APBA2: variants seen among roughly 807,000 people sequenced by gnomAD.
APBA2 encodes the protein amyloid beta precursor protein binding family A member 2.
Under a neutral mutation model 75.0 loss-of-function variants are expected in APBA2, and 30 were observed. That is an observed-to-expected ratio of 0.40 (90% CI 0.30 to 0.54). The LOEUF is 0.54. Ranked by LOEUF, APBA2 falls within the 20% of genes least tolerant of loss-of-function variation. The pLI is 0.49. For missense variants in APBA2, 801 were observed against 1,016.1 expected (o/e 0.79, Z 2.88); for synonymous variants, 444 against 409.6 (o/e 1.08, Z -1.01).
chr15:29,037,202 A>G (rs976235756), intron 3 of APBA2, among the ~76,000 whole-genome samples: 11 of 152,160 alleles, frequency 7.2e-5, no homozygotes, highest in Non-Finnish European at 1.5e-5. Flanking sequence ...CCTGTAATTT[A>G]TCCAGTGGAG....
At chr15:29,000,615 G>A (rs1039015755) in intron 3 of APBA2, among the ~76,000 whole-genome samples, 2 of 152,110 alleles carry the variant, frequency 1.3e-5, no homozygotes, top group African/African-American at 4.8e-5. Context: ...TTTAGAGACA[G>A]GGTCTTGCTC....
At chr15:28,949,511 C>T (rs1225908188) in intron 2 of APBA2, among the ~76,000 whole-genome samples, 1 of 152,202 alleles carries the variant, frequency 6.6e-6, no homozygotes, top group African/African-American at 2.4e-5. Context: ...CTCTGTCACC[C>T]AGGCTGGAGT....
chr15:28,926,394 A>G, intron 2 of APBA2, among the ~76,000 whole-genome samples: 1 of 152,214 alleles, frequency 6.6e-6, no homozygotes. Context: ...CCTTCAAATA[A>G]CACTATACCT....
chr15:29,011,353 C>G (rs548533160), intron 3 of APBA2, among the ~76,000 whole-genome samples: 2 of 152,238 alleles, frequency 1.3e-5, no homozygotes, highest in African/African-American at 2.4e-5. Context: ...TTAATTAGTT[C>G]AAAATCTGTT....
intron 2 of APBA2, among the ~76,000 whole-genome samples, chr15:28,943,880 C>CA (rs1207940029): frequency 6.6e-6 from 1 of 152,208 alleles, no homozygotes; most frequent in Non-Finnish European, 1.5e-5. Flanking sequence ...CCCACAGGCT[C>CA]TTATGGATCC....
At chr15:28,936,103 G>A (rs569799135) in intron 2 of APBA2, among the ~76,000 whole-genome samples, 50 of 152,238 alleles carry the variant, frequency 3.3e-4, no homozygotes, top group African/African-American at 1.0e-3. Flanking sequence ...GAAAATAGAC[G>A]CAGAGTTTGG....
chr15:28,886,391 C>G (rs1354014423), intron 1 of APBA2, 113 bp downstream of exon 1: 1 of 151,364 alleles, frequency 6.6e-6, no homozygotes, highest in Non-Finnish European at 1.5e-5. Context: ...GCGGCCCGAG[C>G]GCTCCAGAGC....
At chr15:28,940,285 G>C (rs985313692) in intron 2 of APBA2, among the ~76,000 whole-genome samples, 3 of 149,062 alleles carry the variant, frequency 2.0e-5, no homozygotes, top group African/African-American at 7.5e-5. Context: ...GGCCGAGGCA[G>C]GTGGATCATG....
chr15:28,913,786 A>G (rs1372498079), intron 1 of APBA2, among the ~76,000 whole-genome samples: 1 of 152,186 alleles, frequency 6.6e-6, no homozygotes, highest in African/African-American at 2.4e-5. Context: ...ACAGTCACCG[A>G]GTTTCTTTCA....
intron 2 of APBA2, among the ~76,000 whole-genome samples, chr15:28,929,496 CTGGGAGCTGATGGGCTGTCTTTAGCA>C (rs1442035535): frequency 6.6e-6 from 1 of 152,238 alleles, no homozygotes; most frequent in East Asian, 1.9e-4. Context: ...CCGCCTATCA[CTGGGAGCTGATGGGCTGTCTTTAGCA>C]TGGCACTTTG....
chr15:28,971,284 G>C (rs1228757350), intron 2 of APBA2, among the ~76,000 whole-genome samples: 3 of 152,056 alleles, frequency 2.0e-5, no homozygotes, highest in African/African-American at 7.3e-5. Flanking sequence ...CACCAAATTA[G>C]AATCTCCCTG....
intron 2 of APBA2, among the ~76,000 whole-genome samples, chr15:28,978,122 C>G (rs1378609507): frequency 1.3e-5 from 2 of 152,250 alleles, no homozygotes; most frequent in Non-Finnish European, 2.9e-5. Context: ...CATTCTCCCT[C>G]TCTCTGTTTC....
chr15:29,025,297 G>A (rs936478633), intron 3 of APBA2, among the ~76,000 whole-genome samples: 25 of 137,776 alleles, frequency 1.8e-4, no homozygotes, highest in African/African-American at 6.4e-4. Context: ...ATGGAATCTT[G>A]TTCTGTCGCC....
intron 2 of APBA2, among the ~76,000 whole-genome samples, chr15:28,955,110 CTTT>C (rs1342981843): frequency 6.6e-6 from 1 of 152,118 alleles, no homozygotes; most frequent in African/African-American, 2.4e-5. Flanking sequence ...AATTATAGGA[CTTT>C]GTCAGACAGT....
intron 1 of APBA2, among the ~76,000 whole-genome samples, chr15:28,919,848 G>T (rs1039785412): frequency 6.6e-6 from 1 of 152,168 alleles, no homozygotes; most frequent in Non-Finnish European, 1.5e-5. Context: ...CCGTTTGTCC[G>T]TGGGATAAGA....
chr15:28,984,936 T>C (rs75757880), intron 2 of APBA2, among the ~76,000 whole-genome samples: 3,778 of 148,802 alleles, frequency 0.025, 61 homozygotes, highest in Non-Finnish European at 0.027. Context: ...TCTCTCTCTC[T>C]CCCTCTCTCC....
intron 4 of APBA2, among the ~76,000 whole-genome samples, chr15:29,069,789 T>A (rs1057427982): frequency 1.3e-5 from 2 of 152,252 alleles, no homozygotes; most frequent in Non-Finnish European, 2.9e-5. Flanking sequence ...TGTTCAGGCC[T>A]GGCCATGTGG....
chr15:28,989,506 G>A (rs1288611823), intron 2 of APBA2, among the ~76,000 whole-genome samples: 4 of 152,220 alleles, frequency 2.6e-5, no homozygotes, highest in Non-Finnish European at 4.4e-5. Flanking sequence ...CATGGCCAGA[G>A]CTGGAGCTCA....
chr15:29,091,520 G>A (rs1399308251), intron 6 of APBA2, among the ~76,000 whole-genome samples: 1 of 152,166 alleles, frequency 6.6e-6, no homozygotes, highest in African/African-American at 2.4e-5. Flanking sequence ...AGAGATAGAT[G>A]AGAGTTGTGA....
Sources: gnomAD v4.1 joint callset for allele counts (sites outside exome capture counted in the v4.1 genomes callset) on GRCh38, gnomAD v4.1.1 for gene constraint, MANE v1.5 for transcripts, NCBI Gene and HGNC (gene_info 2026-07-23, HGNC 2026-07-21) for gene names.